Variants in LNX2 observed in about 807,000 individuals in gnomAD.
The protein encoded by LNX2 is ligand of numb-protein X 2.
Under a neutral mutation model 66.2 loss-of-function variants are expected in LNX2, and 35 were observed. That is an observed-to-expected ratio of 0.53 (90% CI 0.40 to 0.70). The LOEUF (loss-of-function observed/expected upper bound fraction) is 0.70, where lower values mean the gene tolerates loss of function less well. Ranked by LOEUF, LNX2 falls within the 30% of genes least tolerant of loss-of-function variation. LNX2 has a pLI of 0.00. For missense variants in LNX2, 791 were observed against 850.8 expected (o/e 0.93, Z 0.87); for synonymous variants, 337 against 315.6 (o/e 1.07, Z -0.72).
At chr13:27,617,011 G>A (rs1167264686) in intron 1 of LNX2, among the ~76,000 whole-genome samples, 4 of 152,178 alleles carry the variant, frequency 2.6e-5, no homozygotes, top group Non-Finnish European at 4.4e-5. Context: ...GCCTCCCAAA[G>A]TGCTAGAATT....
chr13:27,551,598 CATAATAAA>C (rs1348234242), intron 8 of LNX2, among the ~76,000 whole-genome samples: 4 of 151,366 alleles, frequency 2.6e-5, no homozygotes, highest in African/African-American at 7.3e-5. Flanking sequence ...GTTTTAAATC[CATAATAAA>C]ATAATAAATA....
At chr13:27,604,648 C>T (rs1305906357) in intron 1 of LNX2, among the ~76,000 whole-genome samples, 1 of 151,858 alleles carries the variant, frequency 6.6e-6, no homozygotes, top group African/African-American at 2.4e-5. Flanking sequence ...ATATCTATTA[C>T]CAAATGTTCT....
chr13:27,597,342 A>G (rs1955609905), intron 1 of LNX2, among the ~76,000 whole-genome samples: 1 of 152,218 alleles, frequency 6.6e-6, no homozygotes, highest in Non-Finnish European at 1.5e-5. Context: ...GAAAAGAGTA[A>G]TTTCTATTGC....
intron 7 of LNX2, among the ~76,000 whole-genome samples, chr13:27,553,683 GC>G (rs1446753290): frequency 6.6e-6 from 1 of 152,000 alleles, no homozygotes; most frequent in Non-Finnish European, 1.5e-5. Context: ...GTGGCCTGAG[GC>G]ACCTTGACAT....
At chr13:27,560,640 C>T (rs1323162380) in intron 5 of LNX2, among the ~76,000 whole-genome samples, 1 of 148,672 alleles carries the variant, frequency 6.7e-6, no homozygotes, top group Non-Finnish European at 1.5e-5. Flanking sequence ...TTTAGAGGTT[C>T]ATGACTGTCG....
In LNX2 at chr13:27,583,238, G is replaced by T. The variant is rs1236237612; in HGVS notation, c.-100-1435C>A. Among the ~76,000 whole-genome samples, 29 of 21,610 alleles carry T rather than the reference G, an allele frequency of 1.3e-3. 7 individuals are homozygous for T. Among genetic ancestry groups the T allele is most frequent in the African/African-American group, 6.4e-3 (20 of 3,140 alleles). The allele number at this position is 21,610 out of a possible 152,430, so 14.2% of individuals were successfully genotyped here. A position where few individuals can be genotyped will look rare whatever the true frequency, so the allele number is the denominator to read the frequency against. ...TGTGTGTGTGTGTGTGTGTGTGTGT[G>T]TGTGTGTGTGTGTGTGTGCGCGCGT... On this transcript the variant is annotated intron_variant, in intron 1 of 9. Coordinates refer to ENST00000316334, the MANE Select transcript of LNX2 (RefSeq NM_153371.4).
At chr13:27,580,782 G>T (rs1955388654) in intron 2 of LNX2, among the ~76,000 whole-genome samples, 4 of 152,088 alleles carry the variant, frequency 2.6e-5, no homozygotes, top group Admixed American at 2.6e-4. Context: ...TTTATTGGCT[G>T]CATAATATCC....
At chr13:27,612,728 AGCTGGG>A (rs1166890586) in intron 1 of LNX2, among the ~76,000 whole-genome samples, 1 of 152,122 alleles carries the variant, frequency 6.6e-6, no homozygotes, top group Non-Finnish European at 1.5e-5. Context: ...CCTCCCCAGT[AGCTGGG>A]GTCACAGGCA....
chr13:27,569,239 T>G lies in LNX2; in HGVS notation c.445A>C (p.Arg149=), dbSNP rs746750705. The change falls in exon 3 of 10, where the codon AGA becomes CGA. Residue 149 remains arginine, a synonymous_variant. Coordinates refer to ENST00000316334, the MANE Select transcript of LNX2 (RefSeq NM_153371.4). ...GASHRRVALE[R]RKTSRTQAEI... is the part of the protein sequence containing the mutation. Reference sequence around the variant, plus strand: ...GCTTGAGTTCTACTAGTTTTCCTTCTCTCCAGGGCAACTCTCCGATGAGAA... The same window carrying G: ...GCTTGAGTTCTACTAGTTTTCCTTCGCTCCAGGGCAACTCTCCGATGAGAA... 1 of 1,613,154 alleles carries G rather than the reference T, an allele frequency of 6.2e-7. No homozygotes were observed. Among genetic ancestry groups the G allele is most frequent in the South Asian group, 1.1e-5 (1 of 90,990 alleles).
rs1955022951 is a variant in LNX2, at chr13:27,553,057, C to G, written c.1778+151G>C. On this transcript the variant is annotated intron_variant, in intron 8 of 9. Coordinates refer to ENST00000316334, the MANE Select transcript of LNX2 (RefSeq NM_153371.4). ...AGTGTAATATCCTAAGAAAAATTAT[C>G]CTTTTCTTTTGTAATTTGATTTGAT... 14 of 651,238 alleles carry G rather than the reference C, an allele frequency of 2.1e-5. No individual in the cohort carries two copies. In the Admixed American group the frequency reaches 3.8e-4, roughly 18 times the overall value. The allele number at this position is 651,238 out of a possible 1,614,324, so 40.3% of individuals were successfully genotyped here.
At chr13:27,595,347 A>G (rs1431567001) in intron 1 of LNX2, among the ~76,000 whole-genome samples, 2 of 152,208 alleles carry the variant, frequency 1.3e-5, no homozygotes, top group African/African-American at 2.4e-5. Context: ...ACTTGTTTGC[A>G]TGTGTCTTCC....
intron 1 of LNX2, among the ~76,000 whole-genome samples, chr13:27,582,329 C>G (rs1955407811): frequency 6.6e-6 from 1 of 151,984 alleles, no homozygotes; most frequent in Non-Finnish European, 1.5e-5. Context: ...GCCTGGCTCC[C>G]ACTGTCAAGT....
chr13:27,554,527 T>C (rs1955037395), intron 7 of LNX2, among the ~76,000 whole-genome samples: 1 of 152,224 alleles, frequency 6.6e-6, no homozygotes, highest in Admixed American at 6.5e-5. Context: ...ACTTGCATAA[T>C]ATTTTCAGGG....
intron 8 of LNX2, among the ~76,000 whole-genome samples, chr13:27,550,803 C>T (rs556168884): frequency 1.3e-5 from 2 of 152,258 alleles, no homozygotes; most frequent in South Asian, 4.1e-4. Flanking sequence ...GTACCTATAT[C>T]AGCTCACTGC....
At position 27,585,690 on chromosome 13, in the gene LNX2, G is replaced by A. The variant is rs189891028; in HGVS notation, c.-100-3887C>T. Among the ~76,000 whole-genome samples the A allele has an allele frequency of 2.6e-3, 393 of 151,850 alleles. 1 individual carries two copies. Among genetic ancestry groups the A allele is most frequent in the African/African-American group, 9.2e-3 (380 of 41,466 alleles). ...TAATACGGAATTTCTGCAGATTCTT[G>A]TTTCCTACCCAATAGCAAGAATTAC... is the stretch of plus-strand genomic sequence containing the variant. On this transcript the variant is annotated intron_variant, in intron 1 of 9. Coordinates refer to ENST00000316334, the MANE Select transcript of LNX2 (RefSeq NM_153371.4).
intron 1 of LNX2, among the ~76,000 whole-genome samples, chr13:27,583,255 T>TGTGTGTGTGTGTGTGTGTGCGC: frequency 1.7e-5 from 1 of 58,530 alleles, no homozygotes; most frequent in Non-Finnish European, 3.2e-5. Flanking sequence ...TGTGTGTGTG[T>TGTGTGTGTGTGTGTGTGTGCGC]GCGCGCGTCC....
At position 27,569,381 on chromosome 13, in the gene LNX2, AG is replaced by A. The variant is rs1955249580; in HGVS notation, c.408-106del. 2.5e-6 allele frequency: 3 copies of A among 1,221,258 alleles called. No individual in the cohort carries two copies. The Admixed American group carries it at 6.6e-5, about 27-fold the overall frequency. The allele number at this position is 1,221,258 out of a possible 1,614,324, so 75.7% of individuals were successfully genotyped here. ...TTCTACACAAACAGAACCAGAAGCT[AG>A]AAGTACCTATAGGCAGCACATAGTT... is the stretch of plus-strand genomic sequence containing the variant. On this transcript the variant is annotated intron_variant, in intron 2 of 9. Transcript: ENST00000316334.
chr13:27,588,712 A>G (rs563960621), intron 1 of LNX2, among the ~76,000 whole-genome samples: 58 of 152,336 alleles, frequency 3.8e-4, no homozygotes, highest in African/African-American at 1.1e-3. Flanking sequence ...CACAAAATAA[A>G]AAGTTTAATT....
intron 1 of LNX2, among the ~76,000 whole-genome samples, chr13:27,600,706 TC>T (rs1219110201): frequency 6.6e-6 from 1 of 152,180 alleles, no homozygotes; most frequent in African/African-American, 2.4e-5. Flanking sequence ...GGCAGCTAGT[TC>T]CCAGCAGTTT....
Sources: allele counts gnomAD v4.1 joint callset (sites outside exome capture counted in the v4.1 genomes callset), GRCh38; gene constraint gnomAD v4.1.1; transcripts MANE v1.5; gene names NCBI Gene and HGNC (gene_info 2026-07-23, HGNC 2026-07-21).